SMYD3: variants seen among roughly 807,000 people sequenced by gnomAD.
SMYD3 encodes SET and MYND domain containing 3.
Under a neutral mutation model 57.7 loss-of-function variants are expected in SMYD3, and 36 were observed. The observed-to-expected ratio is 0.62, with a 90% CI of 0.48 to 0.82. The LOEUF is 0.82. Among genes scored for constraint, SMYD3 ranks in the 40% least tolerant of loss-of-function variants. SMYD3 has a pLI of 0.00. For synonymous variants in SMYD3, 211 were observed against 195.0 expected (o/e 1.08, Z -0.68); for missense variants, 515 against 538.8 (o/e 0.96, Z 0.44).
At chr1:245,789,660 T>C (rs889369389) in intron 10 of SMYD3, among the ~76,000 whole-genome samples, 2 of 152,222 alleles carry the variant, frequency 1.3e-5, no homozygotes, top group East Asian at 3.8e-4. Context: ...GAGAATTTTA[T>C]AAGCTCTATA....
At chr1:246,126,220 G>A (rs1276313870) in intron 5 of SMYD3, among the ~76,000 whole-genome samples, 1 of 152,154 alleles carries the variant, frequency 6.6e-6, no homozygotes, top group Non-Finnish European at 1.5e-5. Context: ...TCTCACTGGG[G>A]GTACTAGGGA....
chr1:246,210,981 C>T lies in SMYD3; in HGVS notation c.531+116220G>A, dbSNP rs116794432. ...TCCCAGGCGCGTCTGCTGTGAAAGC[C>T]GTTGCTTAGCAACAGCAATCAATGC... On this transcript the variant is annotated intron_variant, in intron 5 of 11. Coordinates refer to ENST00000490107, the MANE Select transcript of SMYD3 (RefSeq NM_001167740.2). Among the ~76,000 whole-genome samples the T allele has an allele frequency of 4.2e-3, 636 of 152,222 alleles. 3 individuals carry two copies. Among genetic ancestry groups the T allele is most frequent in the African/African-American group, 0.014 (575 of 41,512 alleles).
chr1:245,820,783 C>G (rs1024647710), intron 10 of SMYD3, among the ~76,000 whole-genome samples: 22 of 150,534 alleles, frequency 1.5e-4, no homozygotes, highest in African/African-American at 4.1e-4. Flanking sequence ...CATGAGTGAA[C>G]TCCCATTCAC....
At chr1:246,243,608 T>TTA (rs1321104509) in intron 5 of SMYD3, among the ~76,000 whole-genome samples, 1 of 151,932 alleles carries the variant, frequency 6.6e-6, no homozygotes, top group African/African-American at 2.4e-5. Context: ...ATACTGTACA[T>TTA]TATATATATG....
chr1:246,234,168 A>G (rs866877285), intron 5 of SMYD3, among the ~76,000 whole-genome samples: 7 of 107,268 alleles, frequency 6.5e-5, no homozygotes, highest in East Asian at 5.2e-4. Context: ...GAGGAGAAGC[A>G]CTCCTCAATT....
chr1:246,017,667 T>C (rs139127198), intron 5 of SMYD3, among the ~76,000 whole-genome samples: 15 of 152,166 alleles, frequency 9.9e-5, no homozygotes, highest in South Asian at 4.1e-4. Context: ...GATCACTAGG[T>C]TAAAGTGTTA....
chr1:246,366,990 A>G (rs182538418), intron 1 of SMYD3, among the ~76,000 whole-genome samples: 29 of 151,960 alleles, frequency 1.9e-4, no homozygotes, highest in Admixed American at 1.4e-3. Context: ...ACAAAGCCGT[A>G]TTTTTTGGGG....
At chr1:246,151,580 GTC>G (rs1437060368) in intron 5 of SMYD3, among the ~76,000 whole-genome samples, 4 of 152,170 alleles carry the variant, frequency 2.6e-5, no homozygotes, top group Non-Finnish European at 5.9e-5. Context: ...AGCCTATAGT[GTC>G]ACATTCAGCA....
At chr1:245,794,179 C>T (rs1353974236) in intron 10 of SMYD3, among the ~76,000 whole-genome samples, 1 of 152,214 alleles carries the variant, frequency 6.6e-6, no homozygotes, top group Non-Finnish European at 1.5e-5. Context: ...TATTTTCTGA[C>T]ATTTCAGCAA....
chr1:245,916,663 C>T (rs1048892116), intron 7 of SMYD3, among the ~76,000 whole-genome samples: 2 of 152,178 alleles, frequency 1.3e-5, no homozygotes, highest in Non-Finnish European at 2.9e-5. Context: ...TTTCCAGTGC[C>T]ACCATCCTGG....
At chr1:246,393,675 A>T (rs1480119618) in intron 1 of SMYD3, among the ~76,000 whole-genome samples, 1 of 1,064 alleles carries the variant, frequency 9.4e-4, no homozygotes, top group African/African-American at 4.8e-3. Context: ...CCCCATCTCT[A>T]AAAAAAAAAA....
In SMYD3 at chr1:245,931,348, C is replaced by A. The variant is rs560166291; in HGVS notation, c.532-1411G>T. Among the ~76,000 whole-genome samples, 148 of 152,240 alleles carry A rather than the reference C, an allele frequency of 9.7e-4. 2 individuals are homozygous for A. The Middle Eastern group carries it at 0.017, about 17-fold the overall frequency. Reference sequence around the variant, plus strand: ...AGAACTGGGTAGCACAGCCAACAGGCCTTACTTACTGCGGGACGGCTTGTG... The same window carrying A: ...AGAACTGGGTAGCACAGCCAACAGGACTTACTTACTGCGGGACGGCTTGTG... On this transcript the variant is annotated intron_variant, in intron 5 of 11. Coordinates refer to ENST00000490107, the MANE Select transcript of SMYD3 (RefSeq NM_001167740.2).
At chr1:246,399,214 G>A (rs1378707282) in intron 1 of SMYD3, among the ~76,000 whole-genome samples, 1 of 151,932 alleles carries the variant, frequency 6.6e-6, no homozygotes, top group African/African-American at 2.4e-5. Context: ...AGTAGAGACA[G>A]GGTTTCACCA....
intron 1 of SMYD3, among the ~76,000 whole-genome samples, chr1:246,421,598 G>GA (rs2067143654): frequency 6.6e-6 from 1 of 151,946 alleles, no homozygotes; most frequent in Non-Finnish European, 1.5e-5. Flanking sequence ...ACTAAAAAAA[G>GA]AAAAAACAGA....
chr1:245,980,727 T>C (rs1183458053), intron 5 of SMYD3, among the ~76,000 whole-genome samples: 4 of 152,264 alleles, frequency 2.6e-5, no homozygotes, highest in Non-Finnish European at 5.9e-5. Context: ...ACTTATTCTC[T>C]ATGGCTGCCG....
rs146141816 is a variant in SMYD3 at position 246,480,808 on chromosome 1, T to A, written c.164+26246A>T. 6.7e-3 allele frequency among the ~76,000 whole-genome samples: 1,024 copies of A among 152,234 alleles called. 12 individuals carry two copies. Among genetic ancestry groups the A allele is most frequent in the African/African-American group, 0.023 (966 of 41,534 alleles). ...TTTTCAAAAGATCTTTTTTTTTTCT[T>A]TTTTGAGACAGAGTCTTGCTCTGTC... On this transcript the variant is annotated intron_variant, in intron 1 of 11. Coordinates refer to ENST00000490107, the MANE Select transcript of SMYD3 (RefSeq NM_001167740.2).
chr1:245,884,751 C>T (rs546462494), intron 8 of SMYD3, among the ~76,000 whole-genome samples: 26 of 83,146 alleles, frequency 3.1e-4, no homozygotes, highest in Admixed American at 9.9e-4. Flanking sequence ...TCTGTAAAAA[C>T]GCACCAATCA....
chr1:245,925,491 A>G (rs1270708633), intron 7 of SMYD3, among the ~76,000 whole-genome samples: 1 of 152,138 alleles, frequency 6.6e-6, no homozygotes, highest in Non-Finnish European at 1.5e-5. Context: ...TCAGTTTGAA[A>G]GGCATAGGAT....
intron 9 of SMYD3, among the ~76,000 whole-genome samples, chr1:245,860,500 C>T (rs1287151288): frequency 6.6e-6 from 1 of 152,194 alleles, no homozygotes; most frequent in East Asian, 1.9e-4. Context: ...CCCGGAGACA[C>T]AGTATCTTAC....
Sources: gnomAD v4.1 joint callset for allele counts (sites outside exome capture counted in the v4.1 genomes callset) on GRCh38, gnomAD v4.1.1 for gene constraint, MANE v1.5 for transcripts, NCBI Gene and HGNC (gene_info 2026-07-23, HGNC 2026-07-21) for gene names.